The following ATG2B variants were observed in gnomAD, a reference collection of about 807,000 sequenced individuals.
The protein encoded by ATG2B is autophagy-related protein 2 homolog B.
In ATG2B, 121 loss-of-function variants were observed where a neutral mutation model predicts 241.3. That is an observed-to-expected ratio of 0.50 (90% CI 0.43 to 0.58). ATG2B has a LOEUF of 0.58. ATG2B is among the 20% of genes least tolerant of loss of function. ATG2B has a pLI of 0.00. For synonymous variants in ATG2B, 858 were observed against 876.6 expected, an observed-to-expected ratio of 0.98 and a Z score of 0.37; for missense variants, 2,306 against 2,491.6, an observed-to-expected ratio of 0.93 and a Z score of 1.59.
intron 23 of ATG2B, among the ~76,000 whole-genome samples, chr14:96,314,342 T>C (rs538947332): frequency 6.6e-6 from 1 of 152,248 alleles, no homozygotes; most frequent in South Asian, 2.1e-4. Flanking sequence ...TTACTCAAAG[T>C]CTCCTCTGAA....
chr14:96,340,138 G>GATATATATGAATAT (rs1566731588), intron 6 of ATG2B, among the ~76,000 whole-genome samples: 21 of 74,314 alleles, frequency 2.8e-4, no homozygotes, highest in Non-Finnish European at 5.7e-4. Flanking sequence ...TATCATATAT[G>GATATATATGAATAT]ATATATATGA....
intron 4 of ATG2B, among the ~76,000 whole-genome samples, chr14:96,343,734 C>T (rs1002429073): frequency 2.0e-5 from 3 of 152,150 alleles, no homozygotes; most frequent in African/African-American, 7.2e-5. Context: ...TCACAAATGA[C>T]GTTTCTTGAA....
chr14:96,317,560 C>A, intron 19 of ATG2B, 138 bp downstream of exon 19: 1 of 751,490 alleles, frequency 1.3e-6, no homozygotes, highest in Non-Finnish European at 2.0e-6. Context: ...AGGAAATATT[C>A]TTATAAATTA....
At chr14:96,301,107 A>ATGT (rs1224476922) in intron 34 of ATG2B, among the ~76,000 whole-genome samples, 1 of 152,238 alleles carries the variant, frequency 6.6e-6, no homozygotes, top group Non-Finnish European at 1.5e-5. Context: ...ATCATATGTT[A>ATGT]TGTTATTATT....
At chr14:96,361,168 A>AT (rs1193974203) in intron 1 of ATG2B, among the ~76,000 whole-genome samples, 1 of 152,184 alleles carries the variant, frequency 6.6e-6, no homozygotes, top group African/African-American at 2.4e-5. Flanking sequence ...GTAATAAATC[A>AT]TTTTGCCAAT....
intron 1 of ATG2B, among the ~76,000 whole-genome samples, chr14:96,353,632 A>C (rs917540190): frequency 2.2e-5 from 3 of 136,152 alleles, no homozygotes; most frequent in Non-Finnish European, 5.0e-5. Flanking sequence ...TCTCAAAAAA[A>C]TTTCATATTT....
intron 14 of ATG2B, 102 bp downstream of exon 14, chr14:96,328,245 T>C (rs1044153355): frequency 3.4e-5 from 24 of 698,770 alleles, no homozygotes; most frequent in African/African-American, 2.9e-4. Context: ...ATTTTAATTA[T>C]ACTGTTTAAT....
chr14:96,343,386 C>T (rs1191939466), intron 4 of ATG2B, 105 bp from the exon 5 acceptor site: 1 of 429,710 alleles, frequency 2.3e-6, no homozygotes, highest in Non-Finnish European at 3.8e-6. Flanking sequence ...TGCACATGTA[C>T]CCTAAAACTT....
chr14:96,305,502 C>A, intron 31 of ATG2B, 87 bp downstream of exon 31: 1 of 840,608 alleles, frequency 1.2e-6, no homozygotes, highest in South Asian at 2.3e-5. Context: ...TTTCTTTTTT[C>A]TCTCTAAAGG....
At position 96,290,657 on chromosome 14, in the gene ATG2B, G is replaced by A; in HGVS notation, c.5702-67C>T. On this transcript the variant is annotated intron_variant, in intron 39 of 41. Coordinates refer to ENST00000359933, the MANE Select transcript of ATG2B (RefSeq NM_018036.7). The surrounding 1 kb of genome is among the most constrained non-coding windows in gnomAD (Gnocchi z 4.4). ...AGACTTTTCTATCATTCTAACCCTG[G>A]GGTTTTTAACTCCTAAAACTGGAGG... 6.3e-6 allele frequency: 10 copies of A among 1,589,916 alleles called. No homozygotes were observed. Among genetic ancestry groups the A allele is most frequent in the South Asian group, 1.1e-5 (1 of 88,058 alleles).
At chr14:96,322,046 A>G in intron 18 of ATG2B, 66 bp downstream of exon 18, 1 of 1,198,194 alleles carries the variant, frequency 8.3e-7, no homozygotes, top group Non-Finnish European at 1.1e-6. Flanking sequence ...AAGGGGGAAG[A>G]GGAAAATCAG....
rs1886901741 is a variant in ATG2B, at chr14:96,305,094, T to C, written c.4734-491A>G. Among the ~76,000 whole-genome samples the C allele has an allele frequency of 2.6e-5, 4 of 152,114 alleles. No individual in the cohort carries two copies. In the South Asian group the frequency reaches 8.3e-4, roughly 32 times the overall value. On this transcript the variant is annotated intron_variant, in intron 31 of 41. Transcript: ENST00000359933. Reference sequence around the variant, plus strand: ...GCCTCCATGCCATGCCCCACCTCAATAAGGAAGTCTGCCCCCTACAGGGAT... The same window carrying C: ...GCCTCCATGCCATGCCCCACCTCAACAAGGAAGTCTGCCCCCTACAGGGAT...
In ATG2B at chr14:96,323,879, T is replaced by C. The variant is rs1173585292; in HGVS notation, c.2540+17A>G. On this transcript the variant is annotated intron_variant, in intron 16 of 41. Transcript: ENST00000359933. ...TAAAAGGAAAATCCTATTAAACCTA[T>C]GCATTTGCTTACTCACCGTGGCCAG... 20 of 1,474,548 alleles carry C rather than the reference T, an allele frequency of 1.4e-5. No homozygotes were observed. The South Asian group carries it at 1.5e-4, about 11-fold the overall frequency. The allele number at this position is 1,474,548 out of a possible 1,614,324, so 91.3% of individuals were successfully genotyped here. A position where few individuals can be genotyped will look rare whatever the true frequency, so the allele number is the denominator to read the frequency against.
Position 96,322,557 on chromosome 14 carries a change from TTACTC to T in ATG2B, c.2714_2718del (p.Arg905AsnfsTer3), listed in dbSNP as rs780024097. 1.4e-5 allele frequency: 22 copies of T among 1,611,838 alleles called. No individual in the cohort carries two copies. Among genetic ancestry groups the T allele is most frequent in the African/African-American group, 2.7e-5 (2 of 74,838 alleles). ...ACTTTTACCTGTTCATTTTCAAACA[TTACTC>T]TACGAGAAGAAAAAGGAGATGGGGC... is the stretch of plus-strand genomic sequence containing the variant. On this transcript the variant is annotated frameshift_variant, in exon 17 of 42. Transcript: ENST00000359933. LOFTEE classifies it high-confidence loss of function.
intron 34 of ATG2B, 27 bp downstream of exon 34, chr14:96,301,980 G>T: frequency 1.3e-6 from 2 of 1,525,766 alleles, no homozygotes; most frequent in South Asian, 1.1e-5. Flanking sequence ...TAACTGTAAC[G>T]GCAGGAATCA....
At chr14:96,314,516 C>T (rs1313621538) in intron 23 of ATG2B, among the ~76,000 whole-genome samples, 1 of 152,196 alleles carries the variant, frequency 6.6e-6, no homozygotes, top group Non-Finnish European at 1.5e-5. Flanking sequence ...ATTCAACACA[C>T]CATTCACTGC....
At chr14:96,324,775 A>G (rs952117302) in intron 15 of ATG2B, among the ~76,000 whole-genome samples, 17 of 152,192 alleles carry the variant, frequency 1.1e-4, no homozygotes, top group African/African-American at 3.9e-4. Flanking sequence ...GAGATAAGGG[A>G]TGATCTCACA....
chr14:96,321,540 G>A (rs1387731346), intron 18 of ATG2B, among the ~76,000 whole-genome samples: 2 of 152,112 alleles, frequency 1.3e-5, no homozygotes, highest in African/African-American at 4.8e-5. Flanking sequence ...TACAGAAGAG[G>A]ATGCTGAGTC....
chr14:96,328,689 C>G lies in ATG2B; in HGVS notation c.1959G>C (p.Glu653Asp), dbSNP rs754158702. Residue 653 changes from glutamate (E) to aspartate (D), a missense_variant, in exon 13 of 42, where the codon GAG (glutamate) becomes GAC (aspartate). Physicochemically the swap from Glu to Asp is conservative, Grantham distance 45. This residue lies in a region of ATG2B where 1,927 missense variants were observed against 2,011.2 expected (regional missense o/e 0.96). Coordinates refer to ENST00000359933, the MANE Select transcript of ATG2B (RefSeq NM_018036.7). ...VCLQLHYKHS[E>D]NRGPQGNQAR... ...GATCTCTTACCTGGGGCCCTCTATT[C>G]TCAGAATGCTTATAATGAAGCTGAA... is the stretch of plus-strand genomic sequence containing the variant. The G allele has an allele frequency of 2.9e-5, 47 of 1,608,134 alleles. No homozygotes were observed. The highest frequency in any genetic ancestry group is 3.7e-5 in the Non-Finnish European group (44 of 1,178,124).
Sources: allele counts gnomAD v4.1 joint callset (sites outside exome capture counted in the v4.1 genomes callset), GRCh38; gene constraint gnomAD v4.1.1; regional missense constraint gnomAD v4.1.1; non-coding constraint Gnocchi (gnomAD v3.1); transcripts MANE v1.5; gene names NCBI Gene and HGNC (gene_info 2026-07-23, HGNC 2026-07-21).